COL2A1: variants seen among roughly 807,000 people sequenced by gnomAD.
COL2A1 encodes the protein collagen alpha-1(II) chain.
Under a neutral mutation model 204.5 loss-of-function variants are expected in COL2A1, and 28 were observed. The observed-to-expected ratio is 0.14, with a 90% CI of 0.10 to 0.19. The LOEUF (loss-of-function observed/expected upper bound fraction) is 0.19. Ranked by LOEUF, COL2A1 falls within the 10% of genes least tolerant of loss-of-function variation. The pLI is 1.00. For missense variants in COL2A1, 1,388 were observed against 2,027.5 expected (o/e 0.68, Z 6.06); for synonymous variants, 708 against 718.7 (o/e 0.99, Z 0.24).
Position 47,995,772 on chromosome 12 carries a change from T to C in COL2A1, c.655-9A>G. On this transcript the variant is annotated splice_polypyrimidine_tract_variant and intron_variant, in intron 9 of 53. Coordinates refer to ENST00000380518, the MANE Select transcript of COL2A1 (RefSeq NM_001844.5). ...TGAAATCCTTGAGGCCCCTAAAAAGTAAAATGAGGATACCAGGTCAATCCC... is the reference window on the plus strand; with the variant it reads ...TGAAATCCTTGAGGCCCCTAAAAAGCAAAATGAGGATACCAGGTCAATCCC... 1 of 1,613,720 alleles carries C rather than the reference T, an allele frequency of 6.2e-7. No homozygotes were observed. The highest frequency in any genetic ancestry group is 1.1e-5 in the South Asian group (1 of 91,042).
At position 47,975,333 on chromosome 12, in the gene COL2A1, G is replaced by A. The variant is rs139957398; in HGVS notation, c.3870C>T (p.His1290=). The A allele has an allele frequency of 3.8e-5, 62 of 1,614,076 alleles. No homozygotes were observed. In the African/African-American group the frequency reaches 7.3e-4, roughly 19 times the overall value. ...ARTCRDLKLC[H]PEWKSGDYWI... is the part of the protein sequence containing the mutation. ...CAAGCTTACCACTCTTCCACTCAGGGTGGCAGAGTTTCAGGTCTCTGCAGG... is the reference window on the plus strand; with the variant it reads ...CAAGCTTACCACTCTTCCACTCAGGATGGCAGAGTTTCAGGTCTCTGCAGG... Residue 1290 remains histidine (H), a synonymous_variant, in exon 51 of 54, where the codon CAC becomes CAT. Transcript: ENST00000380518.
chr12:48,003,314 TACACACACACACACGC>T lies in COL2A1; in HGVS notation c.85+907_85+922del, dbSNP rs1437372080. Among the ~76,000 whole-genome samples the T allele has an allele frequency of 2.1e-4, 32 of 150,298 alleles. 1 individual carries two copies. The East Asian group carries it at 5.9e-3, about 28-fold the overall frequency. ...CTGCTCCCCTTCCCTGACACACACA[TACACACACACACACGC>T]ACACACACACACACCACGCAGCCTG... On this transcript the variant is annotated intron_variant, in intron 1 of 53. Transcript: ENST00000380518.
At chr12:47,974,965 A>T (rs920821506) in intron 51 of COL2A1, 103 bp from the exon 52 acceptor site, 6 of 1,224,880 alleles carry the variant, frequency 4.9e-6, no homozygotes, top group Non-Finnish European at 5.7e-6. Flanking sequence ...GCCTACAGGG[A>T]CAAGGGATGA....
chr12:47,985,667 G>A (rs1378890043), intron 25 of COL2A1, 61 bp downstream of exon 25: 19 of 1,605,768 alleles, frequency 1.2e-5, no homozygotes, highest in Non-Finnish European at 1.6e-5. Flanking sequence ...GGGCTGGAAG[G>A]AGCCAGCCAG....
At chr12:47,989,452 A>C (rs1635537) in intron 17 of COL2A1, among the ~76,000 whole-genome samples, 171 bp from the exon 18 acceptor site, 1 of 151,990 alleles carries the variant, frequency 6.6e-6, no homozygotes, top group African/African-American at 2.4e-5. Context: ...TCCCCAGGAA[A>C]CTTTGCCTGG....
rs1565671810 is a variant in COL2A1, at chr12:47,978,422, G to A, written c.2896-24C>T. The A allele has an allele frequency of 6.2e-7, 1 of 1,609,690 alleles. No homozygotes were observed. The highest frequency in any genetic ancestry group is 8.5e-7 in the Non-Finnish European group (1 of 1,177,336). On this transcript the variant is annotated intron_variant, in intron 42 of 53. Transcript: ENST00000380518. This position sits in a 1 kb window ranked among gnomAD's most constrained non-coding sequence, Gnocchi z 5.5. ...CCCTGAGAGAGGAGAGGCAGGAGAT[G>A]AGAACTGACAGTGGCCCAGCCTCTT...
chr12:47,979,847 C>A (rs1405847580), intron 40 of COL2A1, among the ~76,000 whole-genome samples, 162 bp downstream of exon 40: 1 of 152,198 alleles, frequency 6.6e-6, no homozygotes, highest in Admixed American at 6.5e-5. Context: ...ACCCAGCCCA[C>A]AGGCGCCCTC....
rs1465888530 is a variant in COL2A1, at chr12:47,980,327, C to T, written c.2625+227G>A. ...CTCTTCCTGCCACCGCCCCCTCCTC[C>T]CCAGGAGATCAGCAGCTTGGTTCTG... is the stretch of plus-strand genomic sequence containing the variant. On this transcript the variant is annotated intron_variant, in intron 39 of 53. Coordinates refer to ENST00000380518, the MANE Select transcript of COL2A1 (RefSeq NM_001844.5). The surrounding 1 kb of genome is among the most constrained non-coding windows in gnomAD (Gnocchi z 4.5). 6.6e-6 allele frequency among the ~76,000 whole-genome samples: 1 copy of T among 152,166 alleles called. No homozygotes were observed. The highest frequency in any genetic ancestry group is 1.5e-5 in the Non-Finnish European group (1 of 68,012).
chr12:47,974,530 A>G, intron 52 of COL2A1, 145 bp downstream of exon 52: 1 of 1,248,750 alleles, frequency 8.0e-7, no homozygotes, highest in Non-Finnish European at 1.2e-6. Flanking sequence ...GGGAAAAAAT[A>G]CTTTTCCTCC....
At chr12:48,002,938 T>G (rs1188896530) in intron 1 of COL2A1, 1 of 152,236 alleles carries the variant, frequency 6.6e-6, no homozygotes, top group Non-Finnish European at 1.5e-5. Flanking sequence ...TTCCACGCTA[T>G]CCCTGGAAAC....
In COL2A1 at chr12:47,986,360, C is replaced by A; in HGVS notation, c.1503G>T (p.Gly501=). The A allele has an allele frequency of 2.6e-6, 4 of 1,568,124 alleles. No homozygotes were observed. Among genetic ancestry groups the A allele is most frequent in the Non-Finnish European group, 3.5e-6 (4 of 1,155,664 alleles). The change falls in exon 23 of 54, where the codon GGG becomes GGT. Residue 501 remains glycine (G), a synonymous_variant. Transcript: ENST00000380518. ...RGARGEPGGV[G]PIGPPGERGA... is the part of the protein sequence containing the mutation. ...CTCTTTCTCCAGGGGGACCGATGGGCCCAACGCCACCAGGCTCTCCACGGG... is the reference window on the plus strand; with the variant it reads ...CTCTTTCTCCAGGGGGACCGATGGGACCAACGCCACCAGGCTCTCCACGGG...
intron 17 of COL2A1, 92 bp from the exon 18 acceptor site, chr12:47,989,373 T>G (rs938213102): frequency 1.1e-5 from 12 of 1,047,814 alleles, no homozygotes; most frequent in Non-Finnish European, 1.8e-5. Context: ...TTCCCTCCTC[T>G]GTACTGATTT....
At chr12:47,999,795 G>C (rs903563378) in intron 2 of COL2A1, 124 bp downstream of exon 2, 4 of 816,640 alleles carry the variant, frequency 4.9e-6, no homozygotes, top group Non-Finnish European at 8.1e-6. Flanking sequence ...TTCTACCCCA[G>C]CTACCAGGTC....
chr12:47,988,509 C>G (rs1297374425), intron 18 of COL2A1: 1 of 155,546 alleles, frequency 6.4e-6, no homozygotes, highest in African/African-American at 2.4e-5. Flanking sequence ...AAAAGGTCAG[C>G]CCCCCTCACC....
chr12:47,998,466 A>G, intron 2 of COL2A1, 35 bp from the exon 3 acceptor site: 1 of 1,605,386 alleles, frequency 6.2e-7, no homozygotes. Context: ...GAAGAAGGTA[A>G]GAATCTTGAG....
chr12:47,986,926 C>T, intron 21 of COL2A1, 38 bp from the exon 22 acceptor site: 1 of 1,612,938 alleles, frequency 6.2e-7, no homozygotes, highest in East Asian at 2.2e-5. Context: ...CAGATTCTCT[C>T]CAGGGAGCCT....
At chr12:47,995,988 C>G in intron 8 of COL2A1, 69 bp from the exon 9 acceptor site, 1 of 1,304,272 alleles carries the variant, frequency 7.7e-7, no homozygotes, top group Non-Finnish European at 1.1e-6. Flanking sequence ...GTGCCATCTT[C>G]TCCCAGCCAA....
At chr12:47,995,981 C>G (rs1939942014) in intron 8 of COL2A1, 62 bp from the exon 9 acceptor site, 13 of 1,337,656 alleles carry the variant, frequency 9.7e-6, no homozygotes, top group Non-Finnish European at 1.3e-5. Flanking sequence ...CTCCAGTGTG[C>G]CATCTTCTCC....
upstream of COL2A1, among the ~76,000 whole-genome samples, chr12:48,004,953 G>A (rs1211900176): frequency 1.3e-5 from 2 of 152,216 alleles, no homozygotes; most frequent in Non-Finnish European, 2.9e-5. Context: ...CAGGCGTTTG[G>A]GAGTGGGGAC....
Sources: allele counts gnomAD v4.1 joint callset (sites outside exome capture counted in the v4.1 genomes callset), GRCh38; gene constraint gnomAD v4.1.1; non-coding constraint Gnocchi (gnomAD v3.1); transcripts MANE v1.5; gene names NCBI Gene and HGNC (gene_info 2026-07-23, HGNC 2026-07-21).